Variants in STPG2 observed in about 807,000 individuals in gnomAD.
STPG2 encodes the protein sperm-tail PG-rich repeat-containing protein 2.
Under a neutral mutation model 54.2 loss-of-function variants are expected in STPG2, and 56 were observed. That is an observed-to-expected ratio of 1.03 (90% CI 0.83 to 1.29). STPG2 has a LOEUF of 1.29. STPG2 is among the 50% of genes most tolerant of loss of function. STPG2 has a pLI of 0.00. For missense variants in STPG2, 596 were observed against 544.9 expected, an observed-to-expected ratio of 1.09 and a Z score of -0.93; for synonymous variants, 200 against 181.8, an observed-to-expected ratio of 1.10 and a Z score of -0.81.
chr4:97,579,016 A>G (rs1410849735), intron 10 of STPG2, among the ~76,000 whole-genome samples: 1 of 152,128 alleles, frequency 6.6e-6, no homozygotes, highest in Non-Finnish European at 1.5e-5. Flanking sequence ...TAAATCACTC[A>G]TCTGTTTTCA....
rs1722586206 is a variant in STPG2, at chr4:97,668,249, T to C, written c.1320+44450A>G. Among the ~76,000 whole-genome samples the C allele has an allele frequency of 1.3e-5, 2 of 152,240 alleles. 1 individual carries two copies. Among genetic ancestry groups the C allele is most frequent in the South Asian group, 4.1e-4 (2 of 4,826 alleles). On this transcript the variant is annotated intron_variant, in intron 10 of 10. Transcript: ENST00000295268. ...AAAGGAAGATAGGCACAGAGACAGA[T>C]ACCATATTCTGGAATTAGCCAGCAG...
chr4:97,832,691 A>T (rs1470470498), intron 9 of STPG2, among the ~76,000 whole-genome samples: 1 of 152,194 alleles, frequency 6.6e-6, no homozygotes, highest in African/African-American at 2.4e-5. Context: ...AATGTGCAAA[A>T]ATCATAAGCA....
rs200850151 is a variant in STPG2 at position 97,968,426 on chromosome 4, A to T, written c.933+3854T>A. Among the ~76,000 whole-genome samples, 8 of 152,292 alleles carry T rather than the reference A, an allele frequency of 5.3e-5. No individual in the cohort carries two copies. The East Asian group carries it at 1.5e-3, about 29-fold the overall frequency. ...ATAGAAAAAGAGGGAATCCTTCCTA[A>T]CTCATTTTATGAGGCCAGCATCATC... is the stretch of plus-strand genomic sequence containing the variant. On this transcript the variant is annotated intron_variant, in intron 7 of 10. Coordinates refer to ENST00000295268, the MANE Select transcript of STPG2 (RefSeq NM_174952.3).
downstream of STPG2, among the ~76,000 whole-genome samples, chr4:97,555,934 A>C (rs1732067544): frequency 1.3e-5 from 2 of 152,092 alleles, no homozygotes; most frequent in African/African-American, 4.8e-5. Context: ...CCACAAAGGT[A>C]TTTATCATTC....
downstream of STPG2, among the ~76,000 whole-genome samples, chr4:97,556,585 A>G (rs143634313): frequency 1.1e-3 from 169 of 152,290 alleles, no homozygotes; most frequent in African/African-American, 3.8e-3. Flanking sequence ...CACAATCTGC[A>G]TATTTTTATT....
intron 8 of STPG2, among the ~76,000 whole-genome samples, chr4:97,857,023 G>A (rs1729359898): frequency 6.6e-6 from 1 of 152,138 alleles, no homozygotes; most frequent in African/African-American, 2.4e-5. Context: ...TGATAGTGGT[G>A]GATGAGATTT....
At position 97,886,374 on chromosome 4, in the gene STPG2, G is replaced by A. The variant is rs545936722; in HGVS notation, c.1045-45442C>T. On this transcript the variant is annotated intron_variant, in intron 8 of 10. Transcript: ENST00000295268. ...AACATATTTAAGATAGTCAAGAAAAGAAAACAGGAACCAAAGATTTTAAAT... is the reference window on the plus strand; with the variant it reads ...AACATATTTAAGATAGTCAAGAAAAAAAAACAGGAACCAAAGATTTTAAAT... Among the ~76,000 whole-genome samples the A allele has an allele frequency of 3.9e-5, 6 of 152,200 alleles. No individual in the cohort carries two copies. In the South Asian group the frequency reaches 1.2e-3, roughly 32 times the overall value.
intron 8 of STPG2, among the ~76,000 whole-genome samples, chr4:97,852,460 T>A (rs890616288): frequency 1.3e-5 from 2 of 152,142 alleles, no homozygotes; most frequent in African/African-American, 4.8e-5. Flanking sequence ...CCCCTCACCA[T>A]GAAGTATGTG....
chr4:97,709,520 A>G (rs1054780880), intron 10 of STPG2, among the ~76,000 whole-genome samples: 1 of 151,488 alleles, frequency 6.6e-6, no homozygotes, highest in Non-Finnish European at 1.5e-5. Flanking sequence ...TTGAACTTCA[A>G]TTAATTTCAG....
intron 1 of STPG2, among the ~76,000 whole-genome samples, chr4:98,139,739 CAT>C (rs1471573056): frequency 1.3e-5 from 2 of 152,206 alleles, no homozygotes; most frequent in Admixed American, 1.3e-4. Context: ...TACTTTATCT[CAT>C]AGATCAACAA....
chr4:97,486,818 T>C (rs888605059), intron 4 of STPG2, among the ~76,000 whole-genome samples: 7 of 132,612 alleles, frequency 5.3e-5, no homozygotes, highest in African/African-American at 2.2e-4. Context: ...TGTGTGTGTG[T>C]GTGTGTGTGT....
At chr4:97,969,551 G>A (rs1036293649) in intron 7 of STPG2, among the ~76,000 whole-genome samples, 7 of 152,042 alleles carry the variant, frequency 4.6e-5, no homozygotes, top group East Asian at 1.9e-4. Flanking sequence ...TTGACCTGCC[G>A]ATCCACCTGG....
rs1281525201 is a variant in STPG2, at chr4:97,559,030, T to C, written c.*28A>G. ...AAATAAACTGACTTCCATGAAGTTG[T>C]TTTTTAAGTTTTTGCCATAAATTTA... On this transcript the variant is annotated 3_prime_UTR_variant, in exon 11 of 11. Coordinates refer to ENST00000295268, the MANE Select transcript of STPG2 (RefSeq NM_174952.3). The C allele has an allele frequency of 1.0e-5, 16 of 1,553,152 alleles. No individual in the cohort carries two copies. Among genetic ancestry groups the C allele is most frequent in the Non-Finnish European group, 1.4e-5 (16 of 1,140,984 alleles).
intron 5 of STPG2, among the ~76,000 whole-genome samples, chr4:98,021,334 T>C (rs1736182011): frequency 7.4e-6 from 1 of 135,496 alleles, no homozygotes; most frequent in Non-Finnish European, 1.6e-5. Flanking sequence ...CGGTTTTGAG[T>C]GAGTTTCTTA....
intron 7 of STPG2, among the ~76,000 whole-genome samples, chr4:97,967,282 T>A (rs577684547): frequency 1.4e-4 from 21 of 150,584 alleles, no homozygotes; most frequent in African/African-American, 4.9e-4. Context: ...CATTACATAA[T>A]GGTAAAGGGA....
chr4:97,690,825 A>C (rs1723340393), intron 10 of STPG2, among the ~76,000 whole-genome samples: 1 of 152,350 alleles, frequency 6.6e-6, no homozygotes, highest in Non-Finnish European at 1.5e-5. Context: ...TGGGACTCTG[A>C]AAAACTGTGA....
At chr4:97,455,167 A>G (rs1220281955) in intron 4 of STPG2, among the ~76,000 whole-genome samples, 1 of 152,220 alleles carries the variant, frequency 6.6e-6, no homozygotes, top group Non-Finnish European at 1.5e-5. Flanking sequence ...GAGATAACAC[A>G]AAAGAAAATC....
chr4:97,646,491 T>C (rs1420614823), intron 10 of STPG2, among the ~76,000 whole-genome samples: 2 of 152,150 alleles, frequency 1.3e-5, no homozygotes, highest in Non-Finnish European at 2.9e-5. Context: ...ACATTGAGGT[T>C]AACTGAACAT....
At chr4:97,486,353 G>T (rs913971031) in intron 4 of STPG2, among the ~76,000 whole-genome samples, 1 of 151,700 alleles carries the variant, frequency 6.6e-6, no homozygotes, top group South Asian at 2.1e-4. Flanking sequence ...CAAAAAGTGG[G>T]CTAAGAACAT....
Sources: gnomAD v4.1 joint callset for allele counts (sites outside exome capture counted in the v4.1 genomes callset) on GRCh38, gnomAD v4.1.1 for gene constraint, MANE v1.5 for transcripts, NCBI Gene and HGNC (gene_info 2026-07-23, HGNC 2026-07-21) for gene names.